The following DAB1 variants were observed in gnomAD, a reference collection of about 807,000 sequenced individuals.
DAB1 encodes DAB adaptor protein 1.
Under a neutral mutation model 64.6 loss-of-function variants are expected in DAB1, and 15 were observed. The observed-to-expected ratio is 0.23, with a 90% confidence interval of 0.16 to 0.36. The LOEUF (loss-of-function observed/expected upper bound fraction) is 0.36. Ranked by LOEUF, DAB1 falls within the 10% of genes least tolerant of loss-of-function variation. The pLI, the probability that DAB1 is intolerant of heterozygous loss-of-function variation, is 1.00. For synonymous variants in DAB1, 235 were observed against 251.9 expected (o/e 0.93, Z 0.64); for missense variants, 596 against 706.7 (o/e 0.84, Z 1.78).
intron 3 of DAB1, among the ~76,000 whole-genome samples, chr1:58,359,340 T>G (rs1356906039): frequency 6.6e-6 from 1 of 152,200 alleles, no homozygotes; most frequent in African/African-American, 2.4e-5. Flanking sequence ...ACCAAGGGCT[T>G]TGGCACTCAT....
intron 14 of DAB1, among the ~76,000 whole-genome samples, chr1:57,006,743 C>G (rs1378182251): frequency 4.6e-5 from 7 of 152,158 alleles, no homozygotes; most frequent in Non-Finnish European, 8.8e-5. Context: ...TTTTAAGGGT[C>G]TGTTGTTTGG....
chr1:57,386,402 C>T (rs895681502), intron 1 of DAB1, among the ~76,000 whole-genome samples: 3 of 144,932 alleles, frequency 2.1e-5, no homozygotes, highest in Non-Finnish European at 4.5e-5. Flanking sequence ...TCTTTTTCAT[C>T]TCCATAAACA....
At chr1:57,047,363 A>C (rs1648640266) in intron 9 of DAB1, among the ~76,000 whole-genome samples, 1 of 152,058 alleles carries the variant, frequency 6.6e-6, no homozygotes, top group African/African-American at 2.4e-5. Context: ...TAAAGCCCTA[A>C]CCCCCAGTGT....
intron 5 of DAB1, among the ~76,000 whole-genome samples, chr1:58,005,703 G>C (rs918699030): frequency 1.3e-5 from 2 of 151,614 alleles, no homozygotes; most frequent in African/African-American, 2.4e-5. Context: ...TGATCCTTCA[G>C]GTCACAGGAG....
At chr1:57,923,608 G>A (rs897409715) in intron 5 of DAB1, among the ~76,000 whole-genome samples, 10 of 152,178 alleles carry the variant, frequency 6.6e-5, no homozygotes, top group Admixed American at 2.6e-4. Context: ...GAAGTCACAG[G>A]TTGGAAACTG....
chr1:57,170,892 C>T (rs1661688739), intron 2 of DAB1, among the ~76,000 whole-genome samples: 1 of 152,188 alleles, frequency 6.6e-6, no homozygotes. Flanking sequence ...AATCCAATCT[C>T]TGCTGGAATT....
At position 57,533,539 on chromosome 1, in the gene DAB1, G is replaced by GTATA. The variant is rs59378470; in HGVS notation, n.625+116049_625+116052dup. 8.4e-3 allele frequency among the ~76,000 whole-genome samples: 1,211 copies of GTATA among 143,674 alleles called. 15 individuals are homozygous for GTATA. The highest frequency in any genetic ancestry group is 0.017 in the East Asian group (86 of 4,974). The allele number at this position is 143,674 out of a possible 152,430, so 94.3% of individuals were successfully genotyped here. A position where few individuals can be genotyped will look rare whatever the true frequency, so the allele number is the denominator to read the frequency against. On this transcript the variant is annotated intron_variant and non_coding_transcript_variant, in intron 7 of 20. Coordinates refer to the DAB1 transcript ENST00000485760. The stretch of plus-strand genomic sequence containing the variant: ...AACAAAAATAGAAAATTCATAACAG[G>GTATA]TATATATATATATATATATATATAT...
intron 6 of DAB1, among the ~76,000 whole-genome samples, chr1:57,813,965 C>T (rs1252623133): frequency 1.3e-5 from 2 of 152,126 alleles, no homozygotes; most frequent in African/African-American, 4.8e-5. Context: ...CTTGGTTATC[C>T]CATTCTCTCA....
intron 4 of DAB1, among the ~76,000 whole-genome samples, chr1:58,175,566 C>G (rs940713439): frequency 6.6e-6 from 1 of 152,204 alleles, no homozygotes; most frequent in African/African-American, 2.4e-5. Context: ...TCCCTAATAA[C>G]TAGTGATGTT....
chr1:58,059,853 G>T (rs979190334), intron 5 of DAB1, among the ~76,000 whole-genome samples: 1 of 152,242 alleles, frequency 6.6e-6, no homozygotes, highest in African/African-American at 2.4e-5. Context: ...GGAAATGGCA[G>T]AGAAAGGATG....
intron 2 of DAB1, among the ~76,000 whole-genome samples, chr1:57,227,519 T>TGTG (rs1306580262): frequency 2.9e-4 from 40 of 135,810 alleles, no homozygotes; most frequent in African/African-American, 9.7e-4. Flanking sequence ...TTTTTTTCTT[T>TGTG]TGTGTGTGTG....
intron 6 of DAB1, among the ~76,000 whole-genome samples, chr1:57,727,473 T>G (rs551211848): frequency 6.6e-6 from 1 of 152,162 alleles, no homozygotes; most frequent in African/African-American, 2.4e-5. Flanking sequence ...ATGGCACATC[T>G]GTAATCCGCT....
At chr1:58,497,839 C>T (rs768913401) in intron 3 of DAB1, among the ~76,000 whole-genome samples, 5 of 152,178 alleles carry the variant, frequency 3.3e-5, no homozygotes, top group Admixed American at 6.5e-5. Flanking sequence ...ACCTTTCTGT[C>T]TTAGTTTCAG....
At chr1:57,516,269 TTAAG>T (rs1307980795) in intron 7 of DAB1, among the ~76,000 whole-genome samples, 1 of 152,026 alleles carries the variant, frequency 6.6e-6, no homozygotes, top group Non-Finnish European at 1.5e-5. Flanking sequence ...CAGAGGACAA[TTAAG>T]TAAGTACATA....
At chr1:57,567,947 A>G (rs1207044065) in intron 7 of DAB1, among the ~76,000 whole-genome samples, 1 of 152,220 alleles carries the variant, frequency 6.6e-6, no homozygotes, top group Non-Finnish European at 1.5e-5. Context: ...TATGGAACCA[A>G]AAAAGAGCCC....
chr1:57,050,982 C>T (rs1649129841), intron 9 of DAB1, among the ~76,000 whole-genome samples: 1 of 152,092 alleles, frequency 6.6e-6, no homozygotes, highest in Non-Finnish European at 1.5e-5. Flanking sequence ...AGCTCAAGCC[C>T]AATATTCAGC....
At chr1:57,073,207 G>A (rs558335698) in intron 4 of DAB1, among the ~76,000 whole-genome samples, 33 of 152,108 alleles carry the variant, frequency 2.2e-4, no homozygotes, top group South Asian at 1.9e-3. Flanking sequence ...TCCAATGTTC[G>A]TGCCTGGAAC....
chr1:57,974,658 C>T (rs1645876411), intron 5 of DAB1, among the ~76,000 whole-genome samples: 1 of 152,088 alleles, frequency 6.6e-6, no homozygotes, highest in Admixed American at 6.6e-5. Flanking sequence ...CTGACTTAAA[C>T]ACCTAATCAA....
At chr1:58,408,083 A>G (rs915733587) in intron 3 of DAB1, among the ~76,000 whole-genome samples, 3 of 152,180 alleles carry the variant, frequency 2.0e-5, no homozygotes, top group African/African-American at 7.2e-5. Flanking sequence ...TCAGTTAGAC[A>G]TGCATTTCTC....
Sources: gnomAD v4.1 joint callset for allele counts (sites outside exome capture counted in the v4.1 genomes callset) on GRCh38, gnomAD v4.1.1 for gene constraint, MANE v1.5 for transcripts, NCBI Gene and HGNC (gene_info 2026-07-23, HGNC 2026-07-21) for gene names.